PDLIM1: variants seen among roughly 807,000 people sequenced by gnomAD.
PDLIM1 encodes PDZ and LIM domain 1.
Under a neutral mutation model 35.2 loss-of-function variants are expected in PDLIM1, and 25 were observed. The ratio of observed to expected loss-of-function variants is 0.71; its 90% CI spans 0.52 to 0.99. The LOEUF is 0.99. PDLIM1 is among the 50% of genes least tolerant of loss of function. The probability of loss-of-function intolerance (pLI) is 0.00; values close to 1 mark genes in which losing one functional copy is unlikely to be tolerated. For missense variants in PDLIM1, 363 were observed against 415.3 expected, an observed-to-expected ratio of 0.87 and a Z score of 1.09; for synonymous variants, 152 against 154.0, an observed-to-expected ratio of 0.99 and a Z score of 0.10.
At chr10:95,275,857 G>A (rs887581635) in intron 1 of PDLIM1, among the ~76,000 whole-genome samples, 2 of 152,056 alleles carry the variant, frequency 1.3e-5, no homozygotes, top group Non-Finnish European at 2.9e-5. Flanking sequence ...AGTAATTGAG[G>A]TCTGGTCATC....
intron 1 of PDLIM1, among the ~76,000 whole-genome samples, chr10:95,284,161 G>A (rs942168456): frequency 1.3e-5 from 2 of 152,108 alleles, no homozygotes; most frequent in Non-Finnish European, 2.9e-5. Context: ...TATGAATAGT[G>A]TTGCTTGGAA....
intron 1 of PDLIM1, among the ~76,000 whole-genome samples, chr10:95,279,581 C>G (rs1242681172): frequency 1.3e-5 from 2 of 152,178 alleles, no homozygotes; most frequent in African/African-American, 4.8e-5. Flanking sequence ...TGGTCCACAT[C>G]ATTTGTTGAT....
rs2035391966 is a variant in PDLIM1 at position 95,264,170 on chromosome 10, G to A, written c.334-107C>T. 8.9e-6 allele frequency: 8 copies of A among 899,492 alleles called. No individual in the cohort carries two copies. In the East Asian group the frequency reaches 2.1e-4, roughly 23 times the overall value. The allele number at this position is 899,492 out of a possible 1,614,324, so 55.7% of individuals were successfully genotyped here. A position where few individuals can be genotyped will look rare whatever the true frequency, so the allele number is the denominator to read the frequency against. The stretch of plus-strand genomic sequence containing the variant: ...GAGAGGTGTTCCAGCTGCTAAGATG[G>A]CCCTAGTTCAACCCAAACTTTAGCT... On this transcript the variant is annotated intron_variant, in intron 3 of 6. Coordinates refer to ENST00000329399, the MANE Select transcript of PDLIM1 (RefSeq NM_020992.4).
intron 3 of PDLIM1, among the ~76,000 whole-genome samples, chr10:95,266,210 A>C (rs1280539450): frequency 1.3e-5 from 2 of 152,238 alleles, no homozygotes; most frequent in Non-Finnish European, 2.9e-5. Context: ...AATAAAAAAT[A>C]AAAATAAATA....
intron 4 of PDLIM1, among the ~76,000 whole-genome samples, chr10:95,253,588 G>A (rs1275298242): frequency 6.6e-6 from 1 of 151,704 alleles, no homozygotes; most frequent in Middle Eastern, 3.2e-3. Flanking sequence ...CCCGGGAGGT[G>A]GAGGTGGCAG....
chr10:95,264,426 G>C (rs1223684921), intron 3 of PDLIM1, among the ~76,000 whole-genome samples: 2 of 152,202 alleles, frequency 1.3e-5, no homozygotes, highest in Non-Finnish European at 2.9e-5. Flanking sequence ...ATACCAAAGA[G>C]ATTAAAGCAC....
chr10:95,271,504 G>A, intron 2 of PDLIM1, 129 bp downstream of exon 2: 1 of 609,570 alleles, frequency 1.6e-6, no homozygotes, highest in Non-Finnish European at 2.7e-6. Context: ...AGACCTTTTG[G>A]CATGCCTATA....
intron 4 of PDLIM1, among the ~76,000 whole-genome samples, chr10:95,254,341 T>C (rs996505452): frequency 1.3e-5 from 2 of 152,226 alleles, no homozygotes; most frequent in Non-Finnish European, 2.9e-5. Flanking sequence ...GGAGTGGCTA[T>C]ATTATTAATA....
intron 1 of PDLIM1, among the ~76,000 whole-genome samples, chr10:95,275,971 G>T (rs956404008): frequency 6.6e-6 from 1 of 152,088 alleles, no homozygotes; most frequent in Non-Finnish European, 1.5e-5. Flanking sequence ...GGACTTGAAA[G>T]AAATTACACA....
chr10:95,271,557 G>C (rs1225297159), intron 2 of PDLIM1, 76 bp downstream of exon 2: 3 of 1,301,930 alleles, frequency 2.3e-6, no homozygotes, highest in Non-Finnish European at 3.2e-6. Flanking sequence ...GGGATTCTGA[G>C]ATAGGGAAGG....
chr10:95,278,507 A>C (rs992973903), intron 1 of PDLIM1, among the ~76,000 whole-genome samples: 1 of 152,138 alleles, frequency 6.6e-6, no homozygotes, highest in Non-Finnish European at 1.5e-5. Context: ...CCAACAAGGT[A>C]GTAGGGGCCT....
chr10:95,286,939 GCTTAGATGACA>G lies in PDLIM1; in HGVS notation c.96+3870_96+3880del, dbSNP rs45445996. ...CAGCCTAGGAGAATATGACCCAGAC[GCTTAGATGACA>G]CTCTCCTCTCAGTCATCTACCTGGC... On this transcript the variant is annotated intron_variant, in intron 1 of 6. Transcript: ENST00000329399. Among the ~76,000 whole-genome samples, 1,232 of 152,260 alleles carry G rather than the reference GCTTAGATGACA, an allele frequency of 8.1e-3. 15 individuals carry two copies. The highest frequency in any genetic ancestry group is 0.028 in the African/African-American group (1,176 of 41,538).
At chr10:95,280,340 A>T (rs917104502) in intron 1 of PDLIM1, among the ~76,000 whole-genome samples, 1 of 152,198 alleles carries the variant, frequency 6.6e-6, no homozygotes, top group Non-Finnish European at 1.5e-5. Context: ...ACCCCACTGC[A>T]CTCCAGCCTG....
At position 95,271,721 on chromosome 10, in the gene PDLIM1, C is replaced by G; in HGVS notation, c.160G>C (p.Asp54His). Residue 54 changes from aspartate to histidine, a missense_variant, in exon 2 of 7, where the codon GAT (aspartate) becomes CAT (histidine). Physicochemically the swap from Asp to His is moderately conservative, Grantham distance 81 (BLOSUM62 -1). Coordinates refer to ENST00000329399, the MANE Select transcript of PDLIM1 (RefSeq NM_020992.4). ...LCIGDVITAI[D>H]GENTSNMTHL... ...GTCATATTGCTAGTATTTTCCCCATCAATGGCTGTGATTACATCTCCAATA... is the reference window on the plus strand; with the variant it reads ...GTCATATTGCTAGTATTTTCCCCATGAATGGCTGTGATTACATCTCCAATA... The G allele has an allele frequency of 6.2e-7, 1 of 1,612,956 alleles. No homozygotes were observed. The highest frequency in any genetic ancestry group is 8.5e-7 in the Non-Finnish European group (1 of 1,179,562).
At chr10:95,265,910 CA>C in intron 3 of PDLIM1, among the ~76,000 whole-genome samples, 1 of 147,474 alleles carries the variant, frequency 6.8e-6, no homozygotes, top group Non-Finnish European at 1.5e-5. Context: ...CCTAAAAAAA[CA>C]AAACAGGCCA....
At chr10:95,249,079 C>T (rs1237392565) in intron 4 of PDLIM1, among the ~76,000 whole-genome samples, 2 of 152,240 alleles carry the variant, frequency 1.3e-5, no homozygotes, top group Non-Finnish European at 2.9e-5. Flanking sequence ...CATGGCCTGT[C>T]TTGCTCCCCA....
chr10:95,263,801 C>T lies in PDLIM1; in HGVS notation c.533+63G>A. 15 of 1,340,768 alleles carry T rather than the reference C, an allele frequency of 1.1e-5. No individual in the cohort carries two copies. The South Asian group carries it at 1.9e-4, about 17-fold the overall frequency. 83.1% of individuals were successfully genotyped at this position (1,340,768 alleles called of 1,614,324 possible). Reference sequence around the variant, plus strand: ...GGCTCTTGCACCTGCCTGGGCAGCCCTGGTCCTGATGTGAAAAGCCCCTCC... The same window carrying T: ...GGCTCTTGCACCTGCCTGGGCAGCCTTGGTCCTGATGTGAAAAGCCCCTCC... On this transcript the variant is annotated intron_variant, in intron 4 of 6. Transcript: ENST00000329399.
intron 1 of PDLIM1, among the ~76,000 whole-genome samples, chr10:95,288,050 G>A (rs542740213): frequency 2.6e-5 from 4 of 152,190 alleles, no homozygotes; most frequent in South Asian, 4.2e-4. Context: ...TCAGGATAGC[G>A]TTACATTTAG....
At chr10:95,247,123 G>T in intron 5 of PDLIM1, 92 bp downstream of exon 5, 1 of 1,099,666 alleles carries the variant, frequency 9.1e-7, no homozygotes. Flanking sequence ...TCCAAAGCAG[G>T]CTCCAGAGTG....
Sources: allele counts gnomAD v4.1 joint callset (sites outside exome capture counted in the v4.1 genomes callset), GRCh38; gene constraint gnomAD v4.1.1; transcripts MANE v1.5; gene names NCBI Gene and HGNC (gene_info 2026-07-23, HGNC 2026-07-21).